MAST4: variants seen among roughly 807,000 people sequenced by gnomAD.
MAST4 encodes the protein microtubule associated serine/threonine kinase family member 4, also known as microtubule-associated serine/threonine-protein kinase 4.
A neutral mutation model predicts 162.7 loss-of-function variants in MAST4; 89 were observed. That is an observed-to-expected ratio of 0.55 (90% CI 0.46 to 0.65). The LOEUF is 0.65. MAST4 is among the 30% of genes least tolerant of loss of function. The pLI, the probability that MAST4 is intolerant of heterozygous loss-of-function variation, is 0.00. For synonymous variants in MAST4, 1,479 were observed against 1,361.1 expected, an observed-to-expected ratio of 1.09 and a Z score of -1.91; for missense variants, 3,153 against 3,374.0, an observed-to-expected ratio of 0.93 and a Z score of 1.62.
intron 19 of MAST4, among the ~76,000 whole-genome samples, chr5:67,139,419 G>A (rs1229355601): frequency 6.6e-6 from 1 of 152,326 alleles, no homozygotes; most frequent in East Asian, 1.9e-4. Context: ...TTGGGAGCTT[G>A]TGCTACTGGA....
chr5:66,863,602 T>C (rs568940053), intron 3 of MAST4, among the ~76,000 whole-genome samples: 8 of 152,278 alleles, frequency 5.3e-5, no homozygotes, highest in African/African-American at 1.9e-4. Flanking sequence ...CTGCACCCTT[T>C]CTTCTTCTTC....
chr5:67,155,639 T>C (rs990265463), intron 26 of MAST4, among the ~76,000 whole-genome samples: 37 of 152,184 alleles, frequency 2.4e-4, no homozygotes, highest in African/African-American at 8.7e-4. Flanking sequence ...TTCCTTTCCA[T>C]GGACACTGGG....
chr5:66,652,746 A>G (rs1746308300), intron 1 of MAST4, among the ~76,000 whole-genome samples: 1 of 152,182 alleles, frequency 6.6e-6, no homozygotes, highest in South Asian at 2.1e-4. Flanking sequence ...TCCTTTTAAC[A>G]ATATGCCTGA....
chr5:67,000,786 G>T (rs1254755915), intron 4 of MAST4, among the ~76,000 whole-genome samples: 2 of 151,920 alleles, frequency 1.3e-5, no homozygotes, highest in African/African-American at 4.8e-5. Flanking sequence ...CAACAGGTGG[G>T]CAGTAGACAG....
chr5:66,741,797 G>A (rs143708932), intron 1 of MAST4, among the ~76,000 whole-genome samples: 1 of 152,192 alleles, frequency 6.6e-6, no homozygotes, highest in Non-Finnish European at 1.5e-5. Context: ...GGGGATCGGT[G>A]TGCTTCACCA....
chr5:66,765,836 C>A (rs965279905), intron 2 of MAST4, among the ~76,000 whole-genome samples: 1 of 151,774 alleles, frequency 6.6e-6, no homozygotes, highest in African/African-American at 2.4e-5. Flanking sequence ...AGATTAAAGA[C>A]GAGAAAATAA....
intron 25 of MAST4, 149 bp downstream of exon 25, chr5:67,153,015 G>T (rs758481247): frequency 5.0e-5 from 33 of 656,158 alleles, no homozygotes; most frequent in Admixed American, 1.2e-4. Context: ...ATCCCTGTAT[G>T]TGTATGGTGG....
At chr5:66,956,616 G>C (rs1745347887) in intron 4 of MAST4, among the ~76,000 whole-genome samples, 1 of 152,176 alleles carries the variant, frequency 6.6e-6, no homozygotes, top group South Asian at 2.1e-4. Flanking sequence ...CAGTTCTCTA[G>C]CATCCCCTCA....
At chr5:66,976,150 G>A (rs1426637517) in intron 4 of MAST4, among the ~76,000 whole-genome samples, 1 of 152,222 alleles carries the variant, frequency 6.6e-6, no homozygotes, top group East Asian at 1.9e-4. Context: ...CTGTTGCCAT[G>A]TGCATGTACC....
chr5:67,018,605 A>G (rs1753603969), intron 4 of MAST4, among the ~76,000 whole-genome samples: 1 of 152,218 alleles, frequency 6.6e-6, no homozygotes, highest in African/African-American at 2.4e-5. Flanking sequence ...GTTAAAAATA[A>G]TTTGGGGGTG....
chr5:66,755,022 GAGA>G (rs1336176836), intron 1 of MAST4, among the ~76,000 whole-genome samples: 1 of 152,136 alleles, frequency 6.6e-6, no homozygotes, highest in African/African-American at 2.4e-5. Context: ...TGGGACTAGA[GAGA>G]AGGACTCCAG....
At chr5:67,097,401 A>C (rs1489880951) in intron 7 of MAST4, among the ~76,000 whole-genome samples, 1 of 152,136 alleles carries the variant, frequency 6.6e-6, no homozygotes, top group African/African-American at 2.4e-5. Flanking sequence ...TCTGAGGCAC[A>C]GAGAGACTGT....
chr5:66,883,422 GTTTTT>G (rs36071165), intron 3 of MAST4, among the ~76,000 whole-genome samples: 36 of 97,250 alleles, frequency 3.7e-4, no homozygotes, highest in Middle Eastern at 5.3e-3. Flanking sequence ...TTCTGTCACT[GTTTTT>G]TTTTTTTTTT....
chr5:66,942,325 A>G (rs998541960), intron 4 of MAST4, among the ~76,000 whole-genome samples: 17 of 152,302 alleles, frequency 1.1e-4, no homozygotes, highest in African/African-American at 3.8e-4. Flanking sequence ...TATGTTCTAT[A>G]TTCCAGACTG....
rs961119242 is a variant in MAST4 at position 66,596,714 on chromosome 5, G to A, written c.59G>A (p.Gly20Asp). The change falls in exon 1 of 29, where the codon GGC becomes GAC. Residue 20 changes from glycine (G) to aspartate (D), a missense_variant. Around this residue, in one of 7 missense-constraint regions of MAST4, gnomAD observed 327 missense variants for 336.5 expected, o/e 0.97. Transcript: ENST00000403625. Reference protein sequence around the residue: ...EPVPRGCSGHGSRTPASALVA... With the variant: ...EPVPRGCSGHDSRTPASALVA... ...GTGCCCCGCGGCTGCAGTGGCCACG[G>A]CAGCCGGACTCCAGCCTCTGCGCTG... 3 of 1,447,440 alleles carry A rather than the reference G, an allele frequency of 2.1e-6. No homozygotes were observed. The highest frequency in any genetic ancestry group is 1.5e-5 in the African/African-American group (1 of 68,094). 89.7% of individuals were successfully genotyped at this position (1,447,440 alleles called of 1,614,324 possible). A position where few individuals can be genotyped will look rare whatever the true frequency, so the allele number is the denominator to read the frequency against.
intron 3 of MAST4, among the ~76,000 whole-genome samples, chr5:66,877,764 C>T (rs898143312): frequency 6.6e-6 from 1 of 152,126 alleles, no homozygotes; most frequent in African/African-American, 2.4e-5. Flanking sequence ...TCAAGCAACA[C>T]AGAACAAGAT....
At chr5:67,120,858 A>G (rs890663808) in intron 13 of MAST4, among the ~76,000 whole-genome samples, 159 bp from the exon 14 acceptor site, 14 of 152,212 alleles carry the variant, frequency 9.2e-5, no homozygotes, top group African/African-American at 3.4e-4. Flanking sequence ...ATTGCTGTGG[A>G]TGATGGCTCT....
chr5:67,066,925 C>A (rs1249817932), intron 5 of MAST4, among the ~76,000 whole-genome samples: 7 of 152,014 alleles, frequency 4.6e-5, no homozygotes, highest in Non-Finnish European at 2.9e-5. Context: ...ACCAAGATAA[C>A]TTTACACATA....
chr5:66,983,996 T>C (rs1749168207), intron 4 of MAST4, among the ~76,000 whole-genome samples: 1 of 152,104 alleles, frequency 6.6e-6, no homozygotes, highest in Admixed American at 6.5e-5. Context: ...TCAGCAAGTG[T>C]TTTTGAGAAG....
Sources: allele counts gnomAD v4.1 joint callset (sites outside exome capture counted in the v4.1 genomes callset), GRCh38; gene constraint gnomAD v4.1.1; regional missense constraint gnomAD v4.1.1; transcripts MANE v1.5; gene names NCBI Gene and HGNC (gene_info 2026-07-23, HGNC 2026-07-21).